ANO2: variants seen among roughly 807,000 people sequenced by gnomAD.
The protein encoded by ANO2 is anoctamin-2.
Under a neutral mutation model 124.2 loss-of-function variants are expected in ANO2, and 101 were observed. The ratio of observed to expected loss-of-function variants is 0.81; its 90% CI spans 0.69 to 0.96. ANO2 has a LOEUF of 0.96. ANO2 is among the 40% of genes least tolerant of loss of function. The probability of loss-of-function intolerance (pLI) is 0.00; values close to 1 mark genes in which losing one functional copy is unlikely to be tolerated. For synonymous variants in ANO2, 486 were observed against 482.5 expected (o/e 1.01, Z -0.09); for missense variants, 1,293 against 1,274.5 (o/e 1.01, Z -0.22).
intron 3 of ANO2, among the ~76,000 whole-genome samples, chr12:5,857,772 T>TGATAGATAGATAGATA (rs59071869): frequency 2.0e-5 from 3 of 148,290 alleles, no homozygotes; most frequent in Non-Finnish European, 4.5e-5. Flanking sequence ...AAAAGAAATG[T>TGATAGATAGATAGATA]GATAGATAGA....
chr12:5,665,351 A>G (rs953185909), intron 14 of ANO2, among the ~76,000 whole-genome samples: 19 of 152,122 alleles, frequency 1.2e-4, no homozygotes, highest in African/African-American at 4.6e-4. Context: ...GATTCATGCC[A>G]TCCATCTCCG....
chr12:5,687,926 C>A (rs566741693), intron 14 of ANO2, among the ~76,000 whole-genome samples: 28 of 152,286 alleles, frequency 1.8e-4, no homozygotes, highest in African/African-American at 6.5e-4. Context: ...CCTCTCCTGA[C>A]TTTGCCTTGA....
chr12:5,865,681 T>G (rs553186135), intron 3 of ANO2, among the ~76,000 whole-genome samples: 1 of 151,200 alleles, frequency 6.6e-6, no homozygotes, highest in South Asian at 2.1e-4. Flanking sequence ...ATTCACACTA[T>G]CATGCCACCA....
chr12:5,680,054 C>G (rs1948424849), intron 14 of ANO2, among the ~76,000 whole-genome samples: 1 of 152,290 alleles, frequency 6.6e-6, no homozygotes, highest in South Asian at 2.1e-4. Flanking sequence ...CCAAACACCG[C>G]ATGTTCTCAC....
chr12:5,935,076 T>C (rs1231553211), intron 1 of ANO2, among the ~76,000 whole-genome samples: 1 of 152,174 alleles, frequency 6.6e-6, no homozygotes, highest in Non-Finnish European at 1.5e-5. Context: ...ATCCCAAATA[T>C]ATTTATTTAT....
chr12:5,899,484 C>G (rs1940029888), intron 3 of ANO2, among the ~76,000 whole-genome samples: 4 of 152,210 alleles, frequency 2.6e-5, no homozygotes, highest in Admixed American at 2.6e-4. Context: ...CCAGCTTCAC[C>G]TCCGCAAGCC....
chr12:5,610,539 AT>A (rs1944461099), intron 19 of ANO2, among the ~76,000 whole-genome samples: 1 of 141,198 alleles, frequency 7.1e-6, no homozygotes, highest in African/African-American at 2.6e-5. Context: ...TATAAAACAT[AT>A]TTTATGTTTT....
intron 1 of ANO2, among the ~76,000 whole-genome samples, chr12:5,937,049 G>A (rs568042142): frequency 6.6e-6 from 1 of 152,316 alleles, no homozygotes; most frequent in Non-Finnish European, 1.5e-5. Flanking sequence ...TTACCAGGTA[G>A]TGATTTTACT....
rs150210828 is a variant in ANO2, at chr12:5,917,710, G to A, written c.534+3330C>T. On this transcript the variant is annotated intron_variant, in intron 3 of 24. Coordinates refer to ENST00000682330, the MANE Select transcript of ANO2 (RefSeq NM_001364791.2). ...AGCCTCCAGAGTAGCTGCGACTACA[G>A]ATGCGCACCACCACACCCAGCTAAT... 1.8e-3 allele frequency among the ~76,000 whole-genome samples: 267 copies of A among 151,888 alleles called. 1 individual carries two copies. Among genetic ancestry groups the A allele is most frequent in the African/African-American group, 6.2e-3 (256 of 41,374 alleles).
chr12:5,809,582 C>T (rs1447408962), intron 7 of ANO2, among the ~76,000 whole-genome samples: 1 of 152,218 alleles, frequency 6.6e-6, no homozygotes, highest in Non-Finnish European at 1.5e-5. Flanking sequence ...CTGGAAGCAT[C>T]AGACCATTAG....
At chr12:5,664,439 T>C (rs752021072) in intron 14 of ANO2, among the ~76,000 whole-genome samples, 1 of 152,232 alleles carries the variant, frequency 6.6e-6, no homozygotes, top group Non-Finnish European at 1.5e-5. Context: ...CTTATATGCT[T>C]ACTATGTTAC....
chr12:5,725,630 T>C (rs1327546467), intron 14 of ANO2, among the ~76,000 whole-genome samples: 2 of 152,124 alleles, frequency 1.3e-5, no homozygotes, highest in Non-Finnish European at 2.9e-5. Context: ...CTTTACTTCT[T>C]CTATCTGCTT....
In ANO2 at chr12:5,658,369, TATC is replaced by T. The variant is rs56288941; in HGVS notation, c.1546-10571_1546-10569del. 0.39 allele frequency among the ~76,000 whole-genome samples: 59,185 copies of T among 151,668 alleles called. 12,583 individuals are homozygous for T. The highest frequency in any genetic ancestry group is 0.54 in the African/African-American group (22,105 of 41,236). Reference sequence around the variant, plus strand: ...TAGTTAGAACCCAATACTTGTTGCCTATCATCATCATCATCAACAACATCATCA... The same window carrying T: ...TAGTTAGAACCCAATACTTGTTGCCTATCATCATCATCAACAACATCATCA... On this transcript the variant is annotated intron_variant, in intron 14 of 24. Coordinates refer to ENST00000682330, the MANE Select transcript of ANO2 (RefSeq NM_001364791.2). This position sits in a 1 kb window ranked among gnomAD's most constrained non-coding sequence, Gnocchi z 4.3.
chr12:5,599,181 C>T (rs998031219), intron 20 of ANO2, among the ~76,000 whole-genome samples: 1 of 152,082 alleles, frequency 6.6e-6, no homozygotes, highest in Non-Finnish European at 1.5e-5. Flanking sequence ...TGGAAAGGGG[C>T]CTGAGAGATC....
chr12:5,664,655 T>C (rs886231111), intron 14 of ANO2, among the ~76,000 whole-genome samples: 44 of 152,214 alleles, frequency 2.9e-4, no homozygotes, highest in African/African-American at 1.0e-3. Context: ...CGTATGTTCT[T>C]TTAATCTCTT....
At chr12:5,641,647 C>T (rs895907088) in intron 15 of ANO2, among the ~76,000 whole-genome samples, 1 of 152,204 alleles carries the variant, frequency 6.6e-6, no homozygotes, top group Non-Finnish European at 1.5e-5. Flanking sequence ...CCACTCTGCT[C>T]CCAGCTCCTG....
chr12:5,753,979 T>C (rs1389803878), intron 10 of ANO2, among the ~76,000 whole-genome samples: 2 of 152,200 alleles, frequency 1.3e-5, no homozygotes, highest in African/African-American at 4.8e-5. Context: ...AAAAAAACTT[T>C]TTTTACTATT....
chr12:5,645,266 T>C (rs1468196176), intron 15 of ANO2, among the ~76,000 whole-genome samples: 1 of 152,210 alleles, frequency 6.6e-6, no homozygotes, highest in Non-Finnish European at 1.5e-5. Context: ...TTTGTCTAAT[T>C]TGTTGTTAAG....
intron 7 of ANO2, among the ~76,000 whole-genome samples, chr12:5,823,217 A>C (rs1420702173): frequency 6.6e-6 from 1 of 152,174 alleles, no homozygotes; most frequent in Non-Finnish European, 1.5e-5. Context: ...TTAACCCAAA[A>C]GTCCACAATC....
Sources: gnomAD v4.1 joint callset for allele counts (sites outside exome capture counted in the v4.1 genomes callset) on GRCh38, gnomAD v4.1.1 for gene constraint, Gnocchi (gnomAD v3.1) non-coding constraint, MANE v1.5 for transcripts, NCBI Gene and HGNC (gene_info 2026-07-23, HGNC 2026-07-21) for gene names.